IFT56: variants seen among roughly 807,000 people sequenced by gnomAD.
IFT56 encodes the protein intraflagellar transport 56.
chr7:139,172,079 C>A, the IFT56 span, among the ~76,000 whole-genome samples: 2,129 of 151,786 alleles, frequency 0.014, 38 homozygotes, highest in African/African-American at 0.046. Flanking sequence ...ACAAACTAAA[C>A]CTTGTTGGAC....
the IFT56 span, among the ~76,000 whole-genome samples, chr7:139,140,775 C>CA: frequency 0.61 from 45,297 of 74,284 alleles, 16,179 homozygotes; most frequent in Non-Finnish European, 0.83. Flanking sequence ...AACTCCACCT[C>CA]AAAAAAAAAA....
the IFT56 span, among the ~76,000 whole-genome samples, chr7:139,186,945 T>C: frequency 2.7e-5 from 4 of 145,744 alleles, no homozygotes; most frequent in African/African-American, 1.1e-4. Flanking sequence ...ATACAAAAAA[T>C]TAGCCGGGCG....
the IFT56 span, among the ~76,000 whole-genome samples, chr7:139,152,497 T>C: frequency 2.0e-5 from 3 of 152,234 alleles, no homozygotes; most frequent in South Asian, 6.2e-4. Context: ...ACATTATATT[T>C]TAAAGGATTA....
the IFT56 span, among the ~76,000 whole-genome samples, chr7:139,156,221 TTGAG>T: frequency 6.6e-6 from 1 of 152,120 alleles, no homozygotes; most frequent in Non-Finnish European, 1.5e-5. Context: ...TTCTAGTAAA[TTGAG>T]TTTGTTGTTT....
chr7:139,146,929 C>A, the IFT56 span: 1 of 1,406,926 alleles, frequency 7.1e-7, no homozygotes, highest in South Asian at 1.2e-5. Flanking sequence ...TAAGGGCTTT[C>A]CATTGTCGTT....
chr7:139,184,252 T>A, the IFT56 span, among the ~76,000 whole-genome samples: 1 of 152,206 alleles, frequency 6.6e-6, no homozygotes, highest in African/African-American at 2.4e-5. Context: ...GCTTCAAGTA[T>A]GTAAGAAAAC....
the IFT56 span, among the ~76,000 whole-genome samples, chr7:139,168,896 C>T: frequency 4.6e-5 from 7 of 152,108 alleles, no homozygotes; most frequent in African/African-American, 1.7e-4. Flanking sequence ...ATCTCAAGTT[C>T]ATTCTGCAGT....
chr7:139,157,743 C>A, the IFT56 span, among the ~76,000 whole-genome samples: 1 of 151,956 alleles, frequency 6.6e-6, no homozygotes, highest in Non-Finnish European at 1.5e-5. Context: ...TGGGCTCAAG[C>A]GATCCGCCTG....
chr7:139,149,585 C>T, the IFT56 span, among the ~76,000 whole-genome samples: 1 of 152,190 alleles, frequency 6.6e-6, no homozygotes, highest in Non-Finnish European at 1.5e-5. Flanking sequence ...ATTCTCACTC[C>T]TGGAATGACT....
the IFT56 span, chr7:139,161,441 A>T: frequency 6.3e-6 from 1 of 157,906 alleles, no homozygotes. Context: ...TGATCTTACT[A>T]GAACAGTAAA....
At chr7:139,189,284 C>A in the IFT56 span, 1 of 1,435,674 alleles carries the variant, frequency 7.0e-7, no homozygotes, top group Non-Finnish European at 9.7e-7. Flanking sequence ...TTTCATTCTT[C>A]ATTGAAACAC....
At chr7:139,163,340 TAA>T in the IFT56 span, among the ~76,000 whole-genome samples, 47 of 124,446 alleles carry the variant, frequency 3.8e-4, no homozygotes, top group Admixed American at 5.9e-4. Context: ...AGACTCCATC[TAA>T]AAAAAAAAAA....
At chr7:139,153,421 A>G in the IFT56 span, among the ~76,000 whole-genome samples, 3 of 151,036 alleles carry the variant, frequency 2.0e-5, no homozygotes, top group African/African-American at 7.4e-5. Context: ...AATGCACTCC[A>G]GCCTGGGTGA....
At chr7:139,140,775 CAAAAAAAA>C in the IFT56 span, among the ~76,000 whole-genome samples, 199 of 74,896 alleles carry the variant, frequency 2.7e-3, 3 homozygotes, top group African/African-American at 6.7e-3. Context: ...AACTCCACCT[CAAAAAAAA>C]AAAAAAAAAA....
At chr7:139,148,518 T>G in the IFT56 span, 3 of 719,178 alleles carry the variant, frequency 4.2e-6, no homozygotes, top group Non-Finnish European at 6.7e-6. Flanking sequence ...TATAAGAACC[T>G]AATTATATGT....
chr7:139,152,630 G>C, the IFT56 span, among the ~76,000 whole-genome samples: 1 of 152,056 alleles, frequency 6.6e-6, no homozygotes, highest in African/African-American at 2.4e-5. Flanking sequence ...GTCTTACATG[G>C]TTTCTAACAT....
chr7:139,160,902 A>G, the IFT56 span: 1 of 1,445,362 alleles, frequency 6.9e-7, no homozygotes, highest in South Asian at 1.2e-5. Flanking sequence ...TGGTATAAGA[A>G]CTATACACTT....
At chr7:139,136,588 C>T in the IFT56 span, among the ~76,000 whole-genome samples, 976 of 152,224 alleles carry the variant, frequency 6.4e-3, 3 homozygotes, top group Middle Eastern at 0.017. Flanking sequence ...GTAGCTGAGA[C>T]TACAGGCACG....
At chr7:139,184,670 A>T in the IFT56 span, among the ~76,000 whole-genome samples, 1 of 152,164 alleles carries the variant, frequency 6.6e-6, no homozygotes, top group Admixed American at 6.5e-5. Flanking sequence ...GTACTTTGGG[A>T]GGCCAAGGCA....
Sources: gnomAD v4.1 joint callset for allele counts (sites outside exome capture counted in the v4.1 genomes callset) on GRCh38, gnomAD v4.1.1 for gene constraint, MANE v1.5 for transcripts, NCBI Gene and HGNC (gene_info 2026-07-23, HGNC 2026-07-21) for gene names.